The following VPS54 variants were observed in gnomAD, a reference collection of about 807,000 sequenced individuals.
VPS54 encodes the protein VPS54 subunit of GARP complex.
Under a neutral mutation model 121.5 loss-of-function variants are expected in VPS54, and 45 were observed. The observed-to-expected ratio is 0.37, with a 90% confidence interval of 0.29 to 0.47. VPS54 has a LOEUF of 0.47. Among genes scored for constraint, VPS54 ranks in the 20% least tolerant of loss-of-function variants. VPS54 has a pLI of 0.99. For missense variants in VPS54, 1,090 were observed against 1,131.4 expected, an observed-to-expected ratio of 0.96 and a Z score of 0.52; for synonymous variants, 371 against 385.8, an observed-to-expected ratio of 0.96 and a Z score of 0.45.
intron 1 of VPS54, among the ~76,000 whole-genome samples, chr2:63,997,742 T>A (rs919919647): frequency 2.6e-5 from 4 of 152,064 alleles, no homozygotes; most frequent in Non-Finnish European, 5.9e-5. Context: ...CCACTAATTT[T>A]GTTTGGCTTG....
rs569551363 is a variant in VPS54, at chr2:63,964,765, T to C, written c.624+1070A>G. Among the ~76,000 whole-genome samples the C allele has an allele frequency of 3.9e-5, 6 of 152,328 alleles. No individual in the cohort carries two copies. In the East Asian group the frequency reaches 9.6e-4, roughly 24 times the overall value. ...TTCCTGATGAGGACTGAACCTGATA[T>C]TATTGATGTCTTCCTGAGACAAGCT... On this transcript the variant is annotated intron_variant, in intron 6 of 22. Transcript: ENST00000272322.
At chr2:63,943,337 ATAC>A (rs1674824822) in intron 10 of VPS54, among the ~76,000 whole-genome samples, 2 of 152,350 alleles carry the variant, frequency 1.3e-5, no homozygotes, top group South Asian at 2.1e-4. Flanking sequence ...TTCTAAAAAG[ATAC>A]TACAACACTT....
At chr2:64,003,539 T>C (rs1371535264) in intron 1 of VPS54, among the ~76,000 whole-genome samples, 1 of 152,190 alleles carries the variant, frequency 6.6e-6, no homozygotes, top group African/African-American at 2.4e-5. Flanking sequence ...TGTATTCTAT[T>C]TGCTTATCAC....
intron 1 of VPS54, among the ~76,000 whole-genome samples, chr2:63,986,860 CA>C (rs1212160563): frequency 5.3e-5 from 8 of 152,180 alleles, no homozygotes; most frequent in Admixed American, 4.6e-4. Flanking sequence ...GTGCCATTTG[CA>C]TGTTTTCTCT....
chr2:64,014,512 G>A (rs1277208661), intron 1 of VPS54, among the ~76,000 whole-genome samples: 3 of 152,126 alleles, frequency 2.0e-5, no homozygotes, highest in Non-Finnish European at 4.4e-5. Flanking sequence ...CTATATTAAG[G>A]AGTTTCAGAT....
At chr2:63,962,465 AT>A (rs760726125) in intron 6 of VPS54, 22 bp from the exon 7 acceptor site, 1 of 1,583,692 alleles carries the variant, frequency 6.3e-7, no homozygotes, top group East Asian at 2.2e-5. Flanking sequence ...AGGAAAAAAA[AT>A]ATGAAGTACT....
chr2:64,013,668 ATATC>A (rs1309738221), intron 1 of VPS54, among the ~76,000 whole-genome samples: 4 of 146,744 alleles, frequency 2.7e-5, no homozygotes, highest in South Asian at 4.2e-4. Context: ...ATTGATATAT[ATATC>A]TATATATTGA....
At chr2:63,894,458 TG>T (rs1203059054) in intron 22 of VPS54, among the ~76,000 whole-genome samples, 21 of 152,064 alleles carry the variant, frequency 1.4e-4, no homozygotes, top group African/African-American at 5.1e-4. Context: ...TCCCAGCACT[TG>T]GGGAGGCTGA....
At chr2:63,951,095 C>T (rs1675218719) in intron 7 of VPS54, among the ~76,000 whole-genome samples, 1 of 152,024 alleles carries the variant, frequency 6.6e-6, no homozygotes, top group Non-Finnish European at 1.5e-5. Context: ...TCATAGTAAG[C>T]CTGCACCTGC....
Position 63,917,775 on chromosome 2 carries a change from G to C in VPS54, c.2165-812C>G, listed in dbSNP as rs576251340. On this transcript the variant is annotated intron_variant, in intron 15 of 22. Transcript: ENST00000272322. ...TACAGAGAAGTGGCATAGCATCGTA[G>C]AAAAGAGAAATGGCCCTAAAGTCAG... Among the ~76,000 whole-genome samples, 3 of 152,078 alleles carry C rather than the reference G, an allele frequency of 2.0e-5. No homozygotes were observed. In the East Asian group the frequency reaches 5.8e-4, roughly 29 times the overall value.
chr2:63,951,751 G>A (rs141028105), intron 7 of VPS54, among the ~76,000 whole-genome samples: 45 of 152,100 alleles, frequency 3.0e-4, no homozygotes, highest in Middle Eastern at 3.4e-3. Context: ...AGGCTATGTG[G>A]TAAGTTTTTT....
At chr2:63,913,585 G>T (rs959782405) in intron 17 of VPS54, among the ~76,000 whole-genome samples, 2 of 151,924 alleles carry the variant, frequency 1.3e-5, no homozygotes, top group African/African-American at 4.8e-5. Flanking sequence ...AAACAAATTC[G>T]GTTTCAGTCA....
chr2:63,977,015 G>C (rs1015771259), intron 3 of VPS54, among the ~76,000 whole-genome samples: 2 of 151,996 alleles, frequency 1.3e-5, no homozygotes, highest in Non-Finnish European at 2.9e-5. Context: ...TTTTAGTAGA[G>C]ATGGGGTTTC....
intron 7 of VPS54, among the ~76,000 whole-genome samples, chr2:63,957,299 A>G (rs2901637): frequency 0.79 from 119,308 of 151,752 alleles, 48,208 homozygotes; most frequent in African/African-American, 0.91. Flanking sequence ...AAAATTAGCC[A>G]GGTGTGGTGG....
At chr2:63,938,147 T>C (rs1006828735) in intron 11 of VPS54, among the ~76,000 whole-genome samples, 2 of 151,668 alleles carry the variant, frequency 1.3e-5, no homozygotes, top group Admixed American at 1.3e-4. Context: ...GCTGTGTGTG[T>C]GTGCAGACAG....
At chr2:63,926,333 C>A (rs987353708) in intron 12 of VPS54, among the ~76,000 whole-genome samples, 1 of 152,138 alleles carries the variant, frequency 6.6e-6, no homozygotes, top group Non-Finnish European at 1.5e-5. Flanking sequence ...TTAGACTGCA[C>A]CCTAACTAGT....
chr2:63,942,053 A>AAATTAGC (rs1674764618), intron 11 of VPS54, among the ~76,000 whole-genome samples: 1 of 147,836 alleles, frequency 6.8e-6, no homozygotes, highest in Admixed American at 6.7e-5. Context: ...AAAAAAAAGT[A>AAATTAGC]AATTAGCAAG....
chr2:63,904,175 C>T (rs1672806061), intron 20 of VPS54, among the ~76,000 whole-genome samples: 1 of 152,092 alleles, frequency 6.6e-6, no homozygotes, highest in Admixed American at 6.5e-5. Flanking sequence ...CGTGGTGGCT[C>T]ACGCCTGTAA....
intron 20 of VPS54, among the ~76,000 whole-genome samples, chr2:63,901,518 GA>G (rs1410144147): frequency 6.6e-6 from 1 of 152,190 alleles, no homozygotes; most frequent in Non-Finnish European, 1.5e-5. Context: ...GAAACAGGAG[GA>G]TCAAAGGGAG....
Sources: gnomAD v4.1 joint callset for allele counts (sites outside exome capture counted in the v4.1 genomes callset) on GRCh38, gnomAD v4.1.1 for gene constraint, MANE v1.5 for transcripts, NCBI Gene and HGNC (gene_info 2026-07-23, HGNC 2026-07-21) for gene names.